Variants in PCDH18 observed in about 807,000 individuals in gnomAD.
The protein encoded by PCDH18 is protocadherin-18.
In PCDH18, 38 loss-of-function variants were observed where a neutral mutation model predicts 71.5. That is an observed-to-expected ratio of 0.53 (90% CI 0.41 to 0.70). The LOEUF is 0.70. PCDH18 is among the 30% of genes least tolerant of loss of function. The probability of loss-of-function intolerance (pLI) is 0.00; values close to 1 mark genes in which losing one functional copy is unlikely to be tolerated. For synonymous variants in PCDH18, 565 were observed against 505.4 expected (o/e 1.12, Z -1.58); for missense variants, 1,334 against 1,384.6 (o/e 0.96, Z 0.58).
At position 137,530,211 on chromosome 4, in the gene PCDH18, C is replaced by A. The variant is rs1731620637; in HGVS notation, c.1878G>T (p.Glu626Asp). Residue 626 changes from glutamate (E) to aspartate (D), a missense_variant, in exon 1 of 4, where the codon GAG becomes GAT. Glu to Asp is a conservative substitution (Grantham distance 45). Coordinates refer to ENST00000344876, the MANE Select transcript of PCDH18 (RefSeq NM_019035.5). ...LSCAIVAGNE[E>D]NIFIIDPRSC... Reference sequence around the variant, plus strand: ...ATCGTGGATCAATTATGAAGATATTCTCCTCATTACCTGCTACTATGGCGC... The same window carrying A: ...ATCGTGGATCAATTATGAAGATATTATCCTCATTACCTGCTACTATGGCGC... The A allele has an allele frequency of 6.2e-7, 1 of 1,613,920 alleles. No individual in the cohort carries two copies. Among genetic ancestry groups the A allele is most frequent in the African/African-American group, 1.3e-5 (1 of 75,040 alleles).
chr4:137,521,314 G>C lies in PCDH18; in HGVS notation c.3123C>G (p.Pro1041=). The C allele has an allele frequency of 1.2e-6, 2 of 1,614,160 alleles. No individual in the cohort carries two copies. The highest frequency in any genetic ancestry group is 1.7e-4 in the Middle Eastern group (1 of 6,060). ...RSNSLERRKG[P]LPAKTVGYPQ... is the part of the protein sequence containing the mutation. ...GGTAACCCACAGTTTTGGCTGGCAA[G>C]GGTCCCTTCCTGCGCTCCAGGGAGT... is the stretch of plus-strand genomic sequence containing the variant. The change falls in exon 4 of 4, where the codon CCC becomes CCG. Residue 1041 remains proline (P), a synonymous_variant. Transcript: ENST00000344876.
chr4:137,526,077 T>C (rs1446132364), intron 3 of PCDH18, among the ~76,000 whole-genome samples: 1 of 151,598 alleles, frequency 6.6e-6, no homozygotes, highest in Non-Finnish European at 1.5e-5. Context: ...CTCCAAGTGC[T>C]AGAAAACTTT....
Position 137,531,413 on chromosome 4 carries a change from T to A in PCDH18, c.676A>T (p.Arg226Trp). ...ATTTTTAGTATGGATGAGCCAGACC[T>A]CTGAGGTACTCCCATGTCTGAGGCA... ...LTASDMGVPQ[R>W]SGSSILKISI... Residue 226 changes from arginine (R) to tryptophan (W), a missense_variant, in exon 1 of 4, where the codon AGG becomes TGG. Around this residue, in one of 3 missense-constraint regions of PCDH18, gnomAD observed 1,011 missense variants for 1,048.0 expected, o/e 0.96. Transcript: ENST00000344876. 1.2e-6 allele frequency: 2 copies of A among 1,613,004 alleles called. No individual in the cohort carries two copies. Among genetic ancestry groups the A allele is most frequent in the Non-Finnish European group, 1.7e-6 (2 of 1,179,494 alleles).
At position 137,531,654 on chromosome 4, in the gene PCDH18, C is replaced by T. The variant is rs148843120; in HGVS notation, c.435G>A (p.Glu145=). Residue 145 remains glutamate, a synonymous_variant, in exon 1 of 4, where the codon GAG becomes GAA. Transcript: ENST00000344876. ...PQFSRSLIPI[E]ISESAAVGTR... The stretch of plus-strand genomic sequence containing the variant: ...TCCCAACTGCTGCACTCTCAGATAT[C>T]TCAATAGGTATGAGAGATCTTGAAA... 9.3e-6 allele frequency: 15 copies of T among 1,613,874 alleles called. No homozygotes were observed. Among genetic ancestry groups the T allele is most frequent in the South Asian group, 7.7e-5 (7 of 91,086 alleles).
At position 137,530,043 on chromosome 4, in the gene PCDH18, C is replaced by T. The variant is rs763038621; in HGVS notation, c.2046G>A (p.Ser682=). Residue 682 remains serine, a synonymous_variant, in exon 1 of 4, where the codon TCG becomes TCA. Coordinates refer to ENST00000344876, the MANE Select transcript of PCDH18 (RefSeq NM_019035.5). ...CTGAAGTCATTGCTGTACTTGTCAC[C>T]GACTCTGCATATTCAAAGATCATGC... is the stretch of plus-strand genomic sequence containing the variant. ...LKCMIFEYAE[S]VTSTAMTSVS... is the part of the protein sequence containing the mutation. 7.7e-5 allele frequency: 124 copies of T among 1,613,884 alleles called. No individual in the cohort carries two copies. The highest frequency in any genetic ancestry group is 9.7e-5 in the Non-Finnish European group (115 of 1,179,948).
rs530977518 is a variant in PCDH18, at chr4:137,528,396, A to C, written c.2740+82T>G. ...AGTGCAAGGGACAAATAAAGAAGAA[A>C]TATAAGCATGAGAGAAATTTTTCAT... On this transcript the variant is annotated intron_variant, in intron 3 of 3. Transcript: ENST00000344876. 3.7e-6 allele frequency: 4 copies of C among 1,074,878 alleles called. No individual in the cohort carries two copies. The South Asian group carries it at 5.8e-5, about 16-fold the overall frequency. 66.6% of individuals were successfully genotyped at this position (1,074,878 alleles called of 1,614,324 possible). A position where few individuals can be genotyped will look rare whatever the true frequency, so the allele number is the denominator to read the frequency against.
At position 137,519,948 on chromosome 4, in the gene PCDH18, C is replaced by A. The variant is rs1231352408; in HGVS notation, c.*1081G>T. The A allele has an allele frequency of 1.3e-5, 2 of 152,348 alleles. No individual in the cohort carries two copies. Among genetic ancestry groups the A allele is most frequent in the East Asian group, 3.9e-4 (2 of 5,182 alleles). The allele number at this position is 152,348 out of a possible 1,614,324, so 9.4% of individuals were successfully genotyped here. On this transcript the variant is annotated 3_prime_UTR_variant, in exon 4 of 4. Coordinates refer to ENST00000344876, the MANE Select transcript of PCDH18 (RefSeq NM_019035.5). ...ACAAAAATATGATTTTATAAATGTTCTTATACTAAAAATAAAAGCAAAAAT... is the reference window on the plus strand; with the variant it reads ...ACAAAAATATGATTTTATAAATGTTATTATACTAAAAATAAAAGCAAAAAT...
chr4:137,528,378 G>T lies in PCDH18; in HGVS notation c.2740+100C>A, dbSNP rs1731539558. On this transcript the variant is annotated intron_variant, in intron 3 of 3. Transcript: ENST00000344876. Reference sequence around the variant, plus strand: ...ACATATTATAAATACTTTAGTGCAAGGGACAAATAAAGAAGAAATATAAGC... The same window carrying T: ...ACATATTATAAATACTTTAGTGCAATGGACAAATAAAGAAGAAATATAAGC... 3 of 894,928 alleles carry T rather than the reference G, an allele frequency of 3.4e-6. No homozygotes were observed. In the East Asian group the frequency reaches 7.3e-5, roughly 22 times the overall value. The allele number at this position is 894,928 out of a possible 1,614,324, so 55.4% of individuals were successfully genotyped here. A position where few individuals can be genotyped will look rare whatever the true frequency, so the allele number is the denominator to read the frequency against.
At position 137,521,242 on chromosome 4, in the gene PCDH18, G is replaced by A. The variant is rs760235272; in HGVS notation, c.3195C>T (p.Pro1065=). Reference sequence around the variant, plus strand: ...CAAGTGGCGGCCCACAGTTGGTGGTGGGATTTTGAAAATGCGTACTGGCTG... The same window carrying A: ...CAAGTGGCGGCCCACAGTTGGTGGTAGGATTTTGAAAATGCGTACTGGCTG... The part of the protein sequence containing the change: ...AWAASTHFQN[P]TTNCGPPLGT... Residue 1065 remains proline (P), a synonymous_variant, in exon 4 of 4, where the codon CCC becomes CCT. Coordinates refer to ENST00000344876, the MANE Select transcript of PCDH18 (RefSeq NM_019035.5). 6.2e-7 allele frequency: 1 copy of A among 1,613,890 alleles called. No individual in the cohort carries two copies.
intron 3 of PCDH18, among the ~76,000 whole-genome samples, chr4:137,525,782 T>G (rs561161754): frequency 6.6e-6 from 1 of 152,274 alleles, no homozygotes; most frequent in Non-Finnish European, 1.5e-5. Context: ...TAACACAATG[T>G]TATGCACAAG....
rs527938722 is a variant in PCDH18, at chr4:137,530,856, A to G, written c.1233T>C (p.Tyr411=). 38 of 1,609,696 alleles carry G rather than the reference A, an allele frequency of 2.4e-5. No homozygotes were observed. The South Asian group carries it at 3.6e-4, about 15-fold the overall frequency. The change falls in exon 1 of 4, where the codon TAT becomes TAC. Residue 411 remains tyrosine (Y), a synonymous_variant. Coordinates refer to ENST00000344876, the MANE Select transcript of PCDH18 (RefSeq NM_019035.5). ...GHGHFKLQKT[Y]ENNYLILTNA... ...TAGTTAAGATTAAATAATTGTTTTC[A>G]TATGTCTTCTGAAGTTTAAAGTGAC...
Position 137,521,178 on chromosome 4 carries a change from G to A in PCDH18, c.3259C>T (p.Pro1087Ser). 1.9e-6 allele frequency: 3 copies of A among 1,614,106 alleles called. No individual in the cohort carries two copies. The highest frequency in any genetic ancestry group is 2.5e-6 in the Non-Finnish European group (3 of 1,179,980). The change falls in exon 4 of 4, where the codon CCA (proline) becomes TCA (serine). Residue 1087 changes from proline (P) to serine (S), a missense_variant. Pro to Ser is a moderately conservative substitution (Grantham distance 74). Coordinates refer to ENST00000344876, the MANE Select transcript of PCDH18 (RefSeq NM_019035.5). Reference protein sequence around the residue: ...SSVQPSSKWLPAMEEIPENYE... With the variant: ...SSVQPSSKWLSAMEEIPENYE... ...TTTTCAGGGATCTCCTCCATGGCTG[G>A]CAGCCATTTTGAAGAAGGCTGCACA... is the stretch of plus-strand genomic sequence containing the variant.
intron 3 of PCDH18, among the ~76,000 whole-genome samples, chr4:137,522,053 T>C (rs867913862): frequency 2.4e-4 from 36 of 152,198 alleles, no homozygotes; most frequent in African/African-American, 8.4e-4. Context: ...ACTTGTAAGG[T>C]GAAACCTATA....
At chr4:137,523,271 T>A (rs1418358134) in intron 3 of PCDH18, among the ~76,000 whole-genome samples, 1 of 152,090 alleles carries the variant, frequency 6.6e-6, no homozygotes, top group Non-Finnish European at 1.5e-5. Context: ...GCAAGAATGA[T>A]TTAAGAATAA....
At chr4:137,523,338 AC>A (rs1265203128) in intron 3 of PCDH18, among the ~76,000 whole-genome samples, 5 of 144,654 alleles carry the variant, frequency 3.5e-5, no homozygotes, top group Non-Finnish European at 4.6e-5. Flanking sequence ...ATGTTTACCA[AC>A]TTTTTTTTTT....
Position 137,529,943 on chromosome 4 carries a change from T to C in PCDH18, c.2146A>G (p.Ile716Val), listed in dbSNP as rs766244679. 3.1e-6 allele frequency: 5 copies of C among 1,613,842 alleles called. No homozygotes were observed. The highest frequency in any genetic ancestry group is 1.7e-5 in the Admixed American group (1 of 59,966). The part of the protein sequence containing the change: ...LGAICAVLLV[I>V]MVLFATRCNR... Reference sequence around the variant, plus strand: ...CACCTAGTTGCAAATAGCACCATAATAACCAGCAACACTGCACAAATTGCT... The same window carrying C: ...CACCTAGTTGCAAATAGCACCATAACAACCAGCAACACTGCACAAATTGCT... The change falls in exon 1 of 4, where the codon ATT becomes GTT. Residue 716 changes from isoleucine (I) to valine (V), a missense_variant. Around this residue, in one of 3 missense-constraint regions of PCDH18, gnomAD observed 1,011 missense variants for 1,048.0 expected, o/e 0.96. Transcript: ENST00000344876.
rs1279538851 is a variant in PCDH18, at chr4:137,528,706, A to C, written c.2576+26T>G. The C allele has an allele frequency of 1.9e-6, 3 of 1,607,126 alleles. No individual in the cohort carries two copies. In the East Asian group the frequency reaches 6.7e-5, roughly 36 times the overall value. On this transcript the variant is annotated intron_variant, in intron 2 of 3. Coordinates refer to ENST00000344876, the MANE Select transcript of PCDH18 (RefSeq NM_019035.5). The stretch of plus-strand genomic sequence containing the variant: ...TCTTCAGCATTTATGTTGAAACTTA[A>C]TAGGTAACACAAGAATAATTCATAC...
Position 137,531,569 on chromosome 4 carries a change from A to G in PCDH18, c.520T>C (p.Tyr174His). ...AAAAAATCATTGGCAGAGAGCGAGT[A>G]TGTGTGGAGGGAATTTTCCCCAACA... is the stretch of plus-strand genomic sequence containing the variant. ...PDVGENSLHTYSLSANDFFNI... is the reference protein window; with the variant it reads ...PDVGENSLHTHSLSANDFFNI... The change falls in exon 1 of 4, where the codon TAC (tyrosine) becomes CAC (histidine). Residue 174 changes from tyrosine (Y) to histidine (H), a missense_variant. By Grantham distance (83) the Tyr-to-His change is moderately conservative. This residue lies in a region of PCDH18 where 1,011 missense variants were observed against 1,048.0 expected (regional missense o/e 0.96). Coordinates refer to ENST00000344876, the MANE Select transcript of PCDH18 (RefSeq NM_019035.5). 3.1e-6 allele frequency: 5 copies of G among 1,613,530 alleles called. No individual in the cohort carries two copies. The highest frequency in any genetic ancestry group is 4.2e-6 in the Non-Finnish European group (5 of 1,179,696).
At position 137,521,128 on chromosome 4, in the gene PCDH18, A is replaced by G. The variant is rs774271769; in HGVS notation, c.3309T>C (p.Asn1103=). The change falls in exon 4 of 4, where the codon AAT becomes AAC. Residue 1103 remains asparagine (N), a synonymous_variant. Coordinates refer to ENST00000344876, the MANE Select transcript of PCDH18 (RefSeq NM_019035.5). Reference sequence around the variant, plus strand: ...TCCCATCATTGAGGTGGTTGAGCACATTGTCAAAATCATCTTCCTCATAAT... The same window carrying G: ...TCCCATCATTGAGGTGGTTGAGCACGTTGTCAAAATCATCTTCCTCATAAT... ...PENYEEDDFD[N]VLNHLNDGKH... 2 of 1,614,156 alleles carry G rather than the reference A, an allele frequency of 1.2e-6. No homozygotes were observed. The highest frequency in any genetic ancestry group is 2.2e-5 in the East Asian group (1 of 44,870).
Sources: allele counts gnomAD v4.1 joint callset (sites outside exome capture counted in the v4.1 genomes callset), GRCh38; gene constraint gnomAD v4.1.1; regional missense constraint gnomAD v4.1.1; transcripts MANE v1.5; gene names NCBI Gene and HGNC (gene_info 2026-07-23, HGNC 2026-07-21).